LRRC8D: variants seen among roughly 807,000 people sequenced by gnomAD.
LRRC8D encodes the protein volume-regulated anion channel subunit LRRC8D.
Under a neutral mutation model 55.8 loss-of-function variants are expected in LRRC8D, and 20 were observed. The ratio of observed to expected loss-of-function variants is 0.36; its 90% CI spans 0.25 to 0.52. LRRC8D has a LOEUF of 0.52. LRRC8D is among the 20% of genes least tolerant of loss of function. The pLI is 0.93. For synonymous variants in LRRC8D, 352 were observed against 377.0 expected (o/e 0.93, Z 0.77); for missense variants, 651 against 1,030.8 (o/e 0.63, Z 5.05).
intron 2 of LRRC8D, among the ~76,000 whole-genome samples, chr1:89,871,655 C>A (rs1048006836): frequency 6.6e-6 from 1 of 152,080 alleles, no homozygotes; most frequent in African/African-American, 2.4e-5. Context: ...TAACAAAATA[C>A]CTTAACTGTC....
chr1:89,915,190 A>G (rs1159033678), intron 2 of LRRC8D, among the ~76,000 whole-genome samples: 8 of 152,218 alleles, frequency 5.3e-5, no homozygotes, highest in African/African-American at 1.9e-4. Context: ...CTTTGTTGCC[A>G]ACTACAAATC....
intron 2 of LRRC8D, among the ~76,000 whole-genome samples, chr1:89,875,319 A>G (rs986549188): frequency 6.6e-6 from 1 of 152,212 alleles, no homozygotes; most frequent in Non-Finnish European, 1.5e-5. Context: ...AAATATCATA[A>G]TAGGTGTCCA....
chr1:89,831,464 A>G (rs950271294), intron 1 of LRRC8D, among the ~76,000 whole-genome samples: 1 of 152,154 alleles, frequency 6.6e-6, no homozygotes, highest in African/African-American at 2.4e-5. Context: ...GACCGGTGGG[A>G]CACACACAGA....
At chr1:89,904,884 T>C (rs2100923197) in intron 2 of LRRC8D, among the ~76,000 whole-genome samples, 1 of 152,294 alleles carries the variant, frequency 6.6e-6, no homozygotes, top group East Asian at 1.9e-4. Context: ...TGAATTAAAA[T>C]GTTGACCGCG....
intron 1 of LRRC8D, among the ~76,000 whole-genome samples, chr1:89,823,135 G>A (rs1282965125): frequency 6.6e-6 from 1 of 152,190 alleles, no homozygotes. Context: ...GAGTGTATGT[G>A]TGCGTGTTGA....
chr1:89,881,708 T>C (rs1275326582), intron 2 of LRRC8D, among the ~76,000 whole-genome samples: 1 of 152,126 alleles, frequency 6.6e-6, no homozygotes, highest in Non-Finnish European at 1.5e-5. Context: ...AAAGGCATGA[T>C]CATGCCTTTT....
intron 2 of LRRC8D, among the ~76,000 whole-genome samples, chr1:89,924,953 C>T (rs1236816541): frequency 1.3e-5 from 2 of 152,128 alleles, no homozygotes; most frequent in Non-Finnish European, 2.9e-5. Context: ...TTGGAAGGCT[C>T]CCTATTAGGT....
In LRRC8D at chr1:89,874,443, TTGTGTGTGTGTGTG is replaced by T. The variant is rs36202085; in HGVS notation, c.-3+30686_-3+30699del. Among the ~76,000 whole-genome samples, 257 of 146,402 alleles carry T rather than the reference TTGTGTGTGTGTGTG, an allele frequency of 1.8e-3. 5 individuals carry two copies. Among genetic ancestry groups the T allele is most frequent in the Middle Eastern group, 7.0e-3 (2 of 286 alleles). ...TATTCCTTGAGAAGTAAGAAACTAT[TTGTGTGTGTGTGTG>T]TGTGTGTGTGTGTGTGTGTGTGTGG... On this transcript the variant is annotated intron_variant, in intron 2 of 2. Transcript: ENST00000337338.
At chr1:89,902,156 T>G (rs1662874529) in intron 2 of LRRC8D, among the ~76,000 whole-genome samples, 1 of 152,282 alleles carries the variant, frequency 6.6e-6, no homozygotes, top group Non-Finnish European at 1.5e-5. Flanking sequence ...TCCACAACAA[T>G]TAAATGCCAG....
intron 2 of LRRC8D, among the ~76,000 whole-genome samples, chr1:89,904,817 C>G (rs1407889645): frequency 6.6e-6 from 1 of 152,090 alleles, no homozygotes; most frequent in Non-Finnish European, 1.5e-5. Flanking sequence ...AGTTTTTTCC[C>G]TAACTTGAAG....
chr1:89,928,014 A>G (rs1218521189), intron 2 of LRRC8D, among the ~76,000 whole-genome samples: 1 of 152,212 alleles, frequency 6.6e-6, no homozygotes, highest in African/African-American at 2.4e-5. Flanking sequence ...AATAAGACAT[A>G]TTCTCTGCCT....
At chr1:89,841,403 C>CCA (rs1557444793) in intron 1 of LRRC8D, among the ~76,000 whole-genome samples, 2 of 151,468 alleles carry the variant, frequency 1.3e-5, no homozygotes, top group African/African-American at 2.4e-5. Flanking sequence ...ACCACCCCCC[C>CCA]CCTTTTTTTT....
intron 2 of LRRC8D, among the ~76,000 whole-genome samples, chr1:89,894,455 C>G (rs1001048961): frequency 2.6e-5 from 4 of 152,196 alleles, no homozygotes; most frequent in Non-Finnish European, 5.9e-5. Context: ...TCCTGTTTAT[C>G]TCTGAGTGTT....
intron 1 of LRRC8D, 61 bp from the exon 2 acceptor site, chr1:89,843,577 C>T (rs1393444686): frequency 1.4e-6 from 1 of 697,260 alleles, no homozygotes; most frequent in Non-Finnish European, 2.6e-6. Flanking sequence ...TGCACTCCTT[C>T]CTCCCCGCTG....
At chr1:89,891,278 A>G (rs72716342) in intron 2 of LRRC8D, among the ~76,000 whole-genome samples, 18,451 of 152,054 alleles carry the variant, frequency 0.12, 1,248 homozygotes, top group South Asian at 0.16. Context: ...TTTTCTCATG[A>G]TTAGATTGGG....
At chr1:89,928,981 A>G (rs1319559066) in intron 2 of LRRC8D, among the ~76,000 whole-genome samples, 1 of 152,228 alleles carries the variant, frequency 6.6e-6, no homozygotes, top group Non-Finnish European at 1.5e-5. Context: ...GTAGATGTTA[A>G]TAAATGTTCT....
chr1:89,936,168 C>T lies in LRRC8D; in HGVS notation c.*523C>T, dbSNP rs527742467. The T allele has an allele frequency of 1.2e-5, 2 of 169,180 alleles. No homozygotes were observed. The highest frequency in any genetic ancestry group is 6.4e-5 in the Admixed American group (1 of 15,592). The allele number at this position is 169,180 out of a possible 1,614,324, so 10.5% of individuals were successfully genotyped here. ...TAAAGTGCCTCAAGTAAGCACCTCT[C>T]ACAACAGTTGACTGGTACTGCTGCT... On this transcript the variant is annotated 3_prime_UTR_variant, in exon 3 of 3. Coordinates refer to ENST00000337338, the MANE Select transcript of LRRC8D (RefSeq NM_001134479.2).
At chr1:89,849,044 A>G (rs914227087) in intron 2 of LRRC8D, among the ~76,000 whole-genome samples, 10 of 152,178 alleles carry the variant, frequency 6.6e-5, no homozygotes, top group African/African-American at 1.7e-4. Context: ...AGAGACTCCA[A>G]GTCACACAGA....
At chr1:89,821,519 T>C (rs538452005) in intron 1 of LRRC8D, among the ~76,000 whole-genome samples, 11 of 152,280 alleles carry the variant, frequency 7.2e-5, no homozygotes, top group African/African-American at 1.9e-4. Context: ...TTCCGCTTTC[T>C]GCAGTCTGAG....
Sources: allele counts gnomAD v4.1 joint callset (sites outside exome capture counted in the v4.1 genomes callset), GRCh38; gene constraint gnomAD v4.1.1; transcripts MANE v1.5; gene names NCBI Gene and HGNC (gene_info 2026-07-23, HGNC 2026-07-21).